Variants in ARHGAP15 observed in about 807,000 individuals in gnomAD.
ARHGAP15 encodes the protein rho GTPase-activating protein 15.
In ARHGAP15, 51 loss-of-function variants were observed where a neutral mutation model predicts 63.7. That is an observed-to-expected ratio of 0.80 (90% CI 0.64 to 1.01). The LOEUF (loss-of-function observed/expected upper bound fraction) is 1.01. Among genes scored for constraint, ARHGAP15 ranks in the 50% least tolerant of loss-of-function variants. ARHGAP15 has a pLI of 0.00. For synonymous variants in ARHGAP15, 191 were observed against 193.8 expected, an observed-to-expected ratio of 0.99 and a Z score of 0.12; for missense variants, 560 against 564.6, an observed-to-expected ratio of 0.99 and a Z score of 0.08.
intron 8 of ARHGAP15, among the ~76,000 whole-genome samples, chr2:143,447,541 C>A (rs1174476558): frequency 1.3e-5 from 2 of 152,096 alleles, no homozygotes; most frequent in Non-Finnish European, 2.9e-5. Flanking sequence ...GTAATCCTAG[C>A]TGACCTAGCT....
chr2:143,213,577 G>A (rs912734479), intron 3 of ARHGAP15, among the ~76,000 whole-genome samples: 5 of 152,196 alleles, frequency 3.3e-5, no homozygotes, highest in African/African-American at 9.6e-5. Flanking sequence ...GTGAGAATGT[G>A]TGCACAGTGG....
intron 1 of ARHGAP15, among the ~76,000 whole-genome samples, chr2:143,139,326 A>G (rs527509272): frequency 2.4e-4 from 36 of 152,138 alleles, no homozygotes; most frequent in African/African-American, 8.2e-4. Context: ...CATACATCCA[A>G]TCAATTGCCA....
chr2:143,138,142 T>C (rs571222001), intron 1 of ARHGAP15, among the ~76,000 whole-genome samples: 1 of 152,234 alleles, frequency 6.6e-6, no homozygotes, highest in African/African-American at 2.4e-5. Context: ...AGATTCTTAA[T>C]AATTATCATC....
chr2:143,581,186 C>T (rs1696888467), intron 11 of ARHGAP15, among the ~76,000 whole-genome samples: 1 of 152,134 alleles, frequency 6.6e-6, no homozygotes, highest in Middle Eastern at 3.4e-3. Flanking sequence ...CACAAAAAGC[C>T]AGAAGATGCA....
chr2:143,523,389 TTATC>T (rs1694138144), intron 10 of ARHGAP15, among the ~76,000 whole-genome samples: 1 of 152,102 alleles, frequency 6.6e-6, no homozygotes, highest in Non-Finnish European at 1.5e-5. Context: ...AAACACATAT[TTATC>T]TGGTTTTATC....
chr2:143,205,616 T>G (rs1692301999), intron 3 of ARHGAP15, among the ~76,000 whole-genome samples: 1 of 152,132 alleles, frequency 6.6e-6, no homozygotes, highest in Admixed American at 6.6e-5. Flanking sequence ...CTCCTGTGAA[T>G]TAGTCATTTG....
At chr2:143,132,128 TG>T (rs1171096398) in intron 1 of ARHGAP15, among the ~76,000 whole-genome samples, 2 of 152,356 alleles carry the variant, frequency 1.3e-5, no homozygotes, top group Admixed American at 1.3e-4. Flanking sequence ...TTTAATTCTT[TG>T]GATACTAAAA....
chr2:143,235,932 CT>C, intron 5 of ARHGAP15: 1 of 1,544,686 alleles, frequency 6.5e-7, no homozygotes, highest in Non-Finnish European at 8.7e-7. Context: ...ACCTGCTGTA[CT>C]TTGTGATTTT....
intron 2 of ARHGAP15, among the ~76,000 whole-genome samples, chr2:143,198,154 C>A (rs1049379290): frequency 6.6e-6 from 1 of 151,950 alleles, no homozygotes; most frequent in Non-Finnish European, 1.5e-5. Context: ...ATATTATTAA[C>A]CTTTTAAGGT....
chr2:143,729,051 G>A (rs938553803), intron 13 of ARHGAP15, among the ~76,000 whole-genome samples: 2 of 152,208 alleles, frequency 1.3e-5, no homozygotes, highest in Admixed American at 6.5e-5. Context: ...GTCTGAAGGT[G>A]GACGTTTTTG....
intron 6 of ARHGAP15, among the ~76,000 whole-genome samples, chr2:143,265,746 TC>T (rs1008591053): frequency 1.2e-4 from 18 of 152,244 alleles, no homozygotes; most frequent in Admixed American, 1.1e-3. Flanking sequence ...TTAGTTTTTT[TC>T]CTTCCCAAAA....
intron 11 of ARHGAP15, among the ~76,000 whole-genome samples, chr2:143,577,523 C>T (rs1212360551): frequency 6.6e-6 from 1 of 152,144 alleles, no homozygotes; most frequent in South Asian, 2.1e-4. Context: ...TAAACAGAAT[C>T]GTAAGGCCTA....
At chr2:143,344,768 C>T (rs1574307911) in intron 6 of ARHGAP15, among the ~76,000 whole-genome samples, 1 of 151,998 alleles carries the variant, frequency 6.6e-6, no homozygotes, top group Admixed American at 6.6e-5. Flanking sequence ...GAGTGAAGAC[C>T]AGCAAGATCC....
chr2:143,738,897 G>A lies in ARHGAP15; in HGVS notation c.1245-29092G>A, dbSNP rs539588184. On this transcript the variant is annotated intron_variant, in intron 13 of 13. Coordinates refer to ENST00000295095, the MANE Select transcript of ARHGAP15 (RefSeq NM_018460.4). ...GCCTCCGCCCATGATTCAAACAGCC[G>A]TAACGAAAACAAGGTCAGGTGTCCT... Among the ~76,000 whole-genome samples the A allele has an allele frequency of 3.7e-4, 56 of 152,232 alleles. No homozygotes were observed. In the East Asian group the frequency reaches 9.7e-3, roughly 26 times the overall value.
At chr2:143,569,018 TG>T (rs949289936) in intron 11 of ARHGAP15, among the ~76,000 whole-genome samples, 1 of 151,894 alleles carries the variant, frequency 6.6e-6, no homozygotes, top group Non-Finnish European at 1.5e-5. Flanking sequence ...TGTCATAGGA[TG>T]GGGGGCAGGG....
intron 8 of ARHGAP15, chr2:143,480,796 G>C (rs1232896034): frequency 6.6e-6 from 1 of 152,182 alleles, no homozygotes; most frequent in East Asian, 1.9e-4. Flanking sequence ...CCACAGGCGG[G>C]GGAAGGCAAA....
chr2:143,260,183 ATAT>A (rs1314259656), intron 6 of ARHGAP15, among the ~76,000 whole-genome samples: 4 of 152,308 alleles, frequency 2.6e-5, no homozygotes, highest in East Asian at 1.9e-4. Flanking sequence ...TAAATGACAA[ATAT>A]TATTCAGTTC....
intron 11 of ARHGAP15, among the ~76,000 whole-genome samples, chr2:143,570,541 A>C (rs1311447778): frequency 6.6e-6 from 1 of 152,196 alleles, no homozygotes; most frequent in Non-Finnish European, 1.5e-5. Context: ...TTATTGATTG[A>C]TTCCATCCAG....
At chr2:143,498,825 C>A (rs976460565) in intron 9 of ARHGAP15, among the ~76,000 whole-genome samples, 1 of 152,040 alleles carries the variant, frequency 6.6e-6, no homozygotes, top group Non-Finnish European at 1.5e-5. Context: ...TTTCTAGCAA[C>A]CATATTTTCC....
Sources: allele counts gnomAD v4.1 joint callset (sites outside exome capture counted in the v4.1 genomes callset), GRCh38; gene constraint gnomAD v4.1.1; transcripts MANE v1.5; gene names NCBI Gene and HGNC (gene_info 2026-07-23, HGNC 2026-07-21).